Variants in MZT2A observed in about 807,000 individuals in gnomAD.
MZT2A encodes the protein mitotic-spindle organizing protein 2A.
In MZT2A, 8 loss-of-function variants were observed where a neutral mutation model predicts 12.4. The observed-to-expected ratio is 0.64, with a 90% CI of 0.38 to 1.16. MZT2A has a LOEUF of 1.16. Among genes scored for constraint, MZT2A ranks in the 50% most tolerant of loss-of-function variants. The pLI, the probability that MZT2A is intolerant of heterozygous loss-of-function variation, is 0.01. For missense variants in MZT2A, 181 were observed against 223.6 expected (o/e 0.81, Z 1.22); for synonymous variants, 88 against 107.5 (o/e 0.82, Z 1.12).
At chr2:131,474,250 G>A (rs1305289923) in intron 2 of MZT2A, among the ~76,000 whole-genome samples, 4 of 151,242 alleles carry the variant, frequency 2.6e-5, no homozygotes, top group African/African-American at 7.3e-5. Flanking sequence ...GGCACCCGCC[G>A]CCACGCCCGG....
downstream of MZT2A, among the ~76,000 whole-genome samples, chr2:131,480,996 C>T (rs1406404544): frequency 9.9e-5 from 15 of 152,120 alleles, no homozygotes; most frequent in Non-Finnish European, 1.5e-5. Flanking sequence ...CTCTGCCTCC[C>T]GGGTTCAAAC....
At chr2:131,477,627 C>T (rs1467039593) in intron 2 of MZT2A, among the ~76,000 whole-genome samples, 2 of 150,706 alleles carry the variant, frequency 1.3e-5, no homozygotes, top group East Asian at 1.9e-4. Flanking sequence ...AGCCAGAGGG[C>T]GAGGAAGGCC....
chr2:131,481,814 CACCT>C (rs1468183804), downstream of MZT2A, among the ~76,000 whole-genome samples: 1 of 152,210 alleles, frequency 6.6e-6, no homozygotes, highest in Non-Finnish European at 1.5e-5. Flanking sequence ...GTGATCTGCC[CACCT>C]GTCTCCCAAA....
At chr2:131,480,518 C>T (rs375649576), downstream of MZT2A, 2 of 1,601,858 alleles carry the variant, frequency 1.2e-6, no homozygotes, top group Non-Finnish European at 1.7e-6. Context: ...ATGCCCCAGT[C>T]ATCTCAGCTG....
upstream of MZT2A, chr2:131,493,084 G>T: frequency 6.7e-7 from 1 of 1,495,128 alleles, no homozygotes. Context: ...ACGTTTTGGC[G>T]CGGTGGCGGA....
chr2:131,476,110 A>G (rs984341060), intron 2 of MZT2A: 15 of 1,602,342 alleles, frequency 9.4e-6, no homozygotes, highest in Non-Finnish European at 1.3e-5. Flanking sequence ...TGCGGCGCGC[A>G]CAGGCAGGAG....
Position 131,484,049 on chromosome 2 carries a change from C to G in MZT2A, c.*12G>C. 6.3e-7 allele frequency: 1 copy of G among 1,597,938 alleles called. No homozygotes were observed. Among genetic ancestry groups the G allele is most frequent in the Non-Finnish European group, 8.6e-7 (1 of 1,168,608 alleles). On this transcript the variant is annotated 3_prime_UTR_variant, in exon 3 of 3. Coordinates refer to ENST00000309451, the MANE Select transcript of MZT2A (RefSeq NM_001085365.2). ...TGCTGGGGACAAAGATGTGACAAGT[C>G]TCTGCCCCATCCTAGGTGCTGCCCT... is the stretch of plus-strand genomic sequence containing the variant.
downstream of MZT2A, chr2:131,480,852 G>C (rs1488749747): frequency 6.1e-6 from 9 of 1,483,078 alleles, no homozygotes; most frequent in Non-Finnish European, 7.3e-6. Flanking sequence ...CCTGTTCCAT[G>C]GGCTAGGCAT....
At chr2:131,492,406 C>A, upstream of MZT2A, 2 of 1,227,376 alleles carry the variant, frequency 1.6e-6, no homozygotes, top group Non-Finnish European at 2.0e-6. Context: ...GTGCGCCCCG[C>A]CCCGCCGCGC....
upstream of MZT2A, among the ~76,000 whole-genome samples, chr2:131,493,375 G>T (rs1320397190): frequency 6.6e-6 from 1 of 152,210 alleles, no homozygotes; most frequent in Non-Finnish European, 1.5e-5. Flanking sequence ...TTCTGGTCCG[G>T]TAGGTGTTCG....
chr2:131,490,464 C>T (rs566700006), intron 2 of MZT2A: 17 of 1,373,430 alleles, frequency 1.2e-5, no homozygotes, highest in Middle Eastern at 2.8e-4. Flanking sequence ...ACCACTAGTT[C>T]GCCTCTGGGG....
At chr2:131,491,142 A>G (rs1310873681) in intron 2 of MZT2A, 1 of 586,794 alleles carries the variant, frequency 1.7e-6, no homozygotes, top group Non-Finnish European at 3.0e-6. Flanking sequence ...TTTCAGAGAG[A>G]GCCATCGGGA....
At chr2:131,476,942 C>T (rs1290798865) in intron 2 of MZT2A, among the ~76,000 whole-genome samples, 1 of 142,732 alleles carries the variant, frequency 7.0e-6, no homozygotes, top group Non-Finnish European at 1.5e-5. Flanking sequence ...AAGACACAAA[C>T]AAAAAAAGCA....
chr2:131,483,851 A>G, downstream of MZT2A: 2 of 1,143,590 alleles, frequency 1.7e-6, no homozygotes, highest in Non-Finnish European at 1.1e-6. Context: ...AAGTTGACCC[A>G]TGGTGAAGGG....
intron 2 of MZT2A, among the ~76,000 whole-genome samples, chr2:131,477,037 C>CTTTTCTTTTT (rs1559345885): frequency 7.4e-5 from 8 of 108,706 alleles, no homozygotes; most frequent in African/African-American, 5.4e-4. Flanking sequence ...CTTTTTCTTT[C>CTTTTCTTTTT]TTTTTTTTTT....
intron 2 of MZT2A, among the ~76,000 whole-genome samples, chr2:131,472,820 A>C (rs1678494694): frequency 6.6e-6 from 1 of 152,166 alleles, no homozygotes; most frequent in Non-Finnish European, 1.5e-5. Context: ...GCGTGGCTGG[A>C]CTGAAGAGCA....
upstream of MZT2A, chr2:131,492,546 G>T (rs1363424885): frequency 7.9e-5 from 90 of 1,137,218 alleles, no homozygotes; most frequent in Non-Finnish European, 8.9e-5. Flanking sequence ...CCAACAGTTA[G>T]TGGGCGCTCA....
intron 2 of MZT2A, among the ~76,000 whole-genome samples, chr2:131,474,405 CTTTTTTTTTT>C (rs70994777): frequency 6.3e-5 from 6 of 94,846 alleles, no homozygotes; most frequent in Middle Eastern, 9.4e-3. Context: ...TCTTCTTCTT[CTTTTTTTTTT>C]TTTTTTTTTT....
At chr2:131,490,603 G>C in intron 2 of MZT2A, 40 of 1,545,710 alleles carry the variant, frequency 2.6e-5, no homozygotes, top group Non-Finnish European at 3.4e-5. Context: ...GCGGTGGCCT[G>C]CATGATCCTG....
Sources: gnomAD v4.1 joint callset for allele counts (sites outside exome capture counted in the v4.1 genomes callset) on GRCh38, gnomAD v4.1.1 for gene constraint, MANE v1.5 for transcripts, NCBI Gene and HGNC (gene_info 2026-07-23, HGNC 2026-07-21) for gene names.